Variants in HIBCH observed in about 807,000 individuals in gnomAD.
HIBCH encodes 3-hydroxyisobutyryl-CoA hydrolase.
HIBCH carries 50 observed loss-of-function variants against 58.2 expected under a neutral mutation model. The observed-to-expected ratio is 0.86, with a 90% CI of 0.68 to 1.09. The LOEUF is 1.09. Ranked by LOEUF, HIBCH falls within the 50% of genes least tolerant of loss-of-function variation. The pLI, the probability that HIBCH is intolerant of heterozygous loss-of-function variation, is 0.00. For synonymous variants in HIBCH, 151 were observed against 146.9 expected (o/e 1.03, Z -0.20); for missense variants, 450 against 449.7 (o/e 1.00, Z -0.01).
At chr2:190,193,987 TGTTTA>T (rs1291694002) in intron 1 of HIBCH, among the ~76,000 whole-genome samples, 1 of 152,220 alleles carries the variant, frequency 6.6e-6, no homozygotes, top group Non-Finnish European at 1.5e-5. Flanking sequence ...TTTTGGCTTT[TGTTTA>T]GTTGAAACTA....
rs939037134 is a variant in HIBCH, at chr2:190,310,948, G to A, written c.36-152C>T. The stretch of plus-strand genomic sequence containing the variant: ...GTTTAGCTCTCATTCACTGCTGGTA[G>A]GAACATTAAATGGTACAGCCACTTT... On this transcript the variant is annotated intron_variant, in intron 1 of 13. Coordinates refer to ENST00000359678, the MANE Select transcript of HIBCH (RefSeq NM_014362.4). The A allele has an allele frequency of 5.9e-5, 42 of 711,768 alleles. No homozygotes were observed. The Admixed American group carries it at 8.4e-4, about 14-fold the overall frequency. 44.1% of individuals were successfully genotyped at this position (711,768 alleles called of 1,614,324 possible). A position where few individuals can be genotyped will look rare whatever the true frequency, so the allele number is the denominator to read the frequency against.
At chr2:190,302,498 G>C (rs1233644250) in intron 2 of HIBCH, among the ~76,000 whole-genome samples, 1 of 152,188 alleles carries the variant, frequency 6.6e-6, no homozygotes, top group Non-Finnish European at 1.5e-5. Flanking sequence ...TCCATCATCA[G>C]TGGTCTTTTA....
At chr2:190,317,161 C>CAA in intron 1 of HIBCH, among the ~76,000 whole-genome samples, 1 of 152,144 alleles carries the variant, frequency 6.6e-6, no homozygotes, top group Non-Finnish European at 1.5e-5. Flanking sequence ...GTTGGCCTCT[C>CAA]AAAGTGCTAG....
rs972463933 is a variant in HIBCH at position 190,279,332 on chromosome 2, G to A, written c.438+8254C>T. Among the ~76,000 whole-genome samples, 35 of 152,164 alleles carry A rather than the reference G, an allele frequency of 2.3e-4. No individual in the cohort carries two copies. Among genetic ancestry groups the A allele is most frequent in the African/African-American group, 8.0e-4 (33 of 41,502 alleles). ...TTCGGTGGGGACAAATATTCAAACC[G>A]TAGCATTCCATCCCTGACCTCCCAA... On this transcript the variant is annotated intron_variant, in intron 6 of 13. Transcript: ENST00000359678. The surrounding 1 kb of genome is among the most constrained non-coding windows in gnomAD (Gnocchi z 4.2).
At chr2:190,287,555 A>C in intron 6 of HIBCH, 31 bp downstream of exon 6, 1 of 1,388,374 alleles carries the variant, frequency 7.2e-7, no homozygotes, top group Non-Finnish European at 1.0e-6. Context: ...CAACTCACTC[A>C]TACAATGATC....
chr2:190,284,998 G>C (rs1687795114), intron 6 of HIBCH, among the ~76,000 whole-genome samples: 1 of 151,968 alleles, frequency 6.6e-6, no homozygotes, highest in Non-Finnish European at 1.5e-5. Flanking sequence ...TTCTTTCATA[G>C]TCATTACCTC....
intron 3 of HIBCH, among the ~76,000 whole-genome samples, chr2:190,295,307 T>A (rs561697361): frequency 6.6e-6 from 1 of 152,362 alleles, no homozygotes; most frequent in African/African-American, 2.4e-5. Flanking sequence ...TGTTTCAGAC[T>A]TTTTTAGATT....
intron 4 of HIBCH, among the ~76,000 whole-genome samples, chr2:190,292,230 C>A (rs561295647): frequency 6.6e-6 from 1 of 152,312 alleles, no homozygotes; most frequent in East Asian, 1.9e-4. Context: ...GATCTGCCGG[C>A]TCGGGCCTCC....
At chr2:190,262,163 CAAAAAAAA>C (rs982653583) in intron 6 of HIBCH, among the ~76,000 whole-genome samples, 2 of 91,948 alleles carry the variant, frequency 2.2e-5, no homozygotes, top group African/African-American at 7.8e-5. Flanking sequence ...GCGGTAGAGA[CAAAAAAAA>C]AAAAAAGAAA....
Position 190,279,901 on chromosome 2 carries a change from C to T in HIBCH, c.438+7685G>A, listed in dbSNP as rs541597410. ...AGTTGCTATCCAATTGGGACAAATA[C>T]AGAATGTGAGGTCCCGTTCCAGCCA... On this transcript the variant is annotated intron_variant, in intron 6 of 13. Transcript: ENST00000359678. This position sits in a 1 kb window ranked among gnomAD's most constrained non-coding sequence, Gnocchi z 4.2. The T allele has an allele frequency of 3.1e-3, 527 of 168,446 alleles. No homozygotes were observed. Among genetic ancestry groups the T allele is most frequent in the African/African-American group, 0.012 (490 of 41,872 alleles). 10.4% of individuals were successfully genotyped at this position (168,446 alleles called of 1,614,324 possible).
chr2:190,270,279 T>A (rs55810462), intron 6 of HIBCH, among the ~76,000 whole-genome samples: 32,477 of 148,522 alleles, frequency 0.22, 3,934 homozygotes, highest in East Asian at 0.44. Context: ...TTTTTTTTTT[T>A]TAAAAAAAAA....
chr2:190,234,731 T>C (rs1337920632), intron 11 of HIBCH, among the ~76,000 whole-genome samples: 3 of 151,802 alleles, frequency 2.0e-5, no homozygotes, highest in Admixed American at 6.6e-5. Flanking sequence ...GCACCTGTAA[T>C]CCCAGTTACT....
At chr2:190,228,794 ACTT>A (rs1252562301) in intron 11 of HIBCH, among the ~76,000 whole-genome samples, 3 of 152,096 alleles carry the variant, frequency 2.0e-5, no homozygotes, top group Non-Finnish European at 4.4e-5. Context: ...CAAAGAGACA[ACTT>A]CTTTTCTCCT....
chr2:190,276,615 CCT>C (rs1687560677), intron 6 of HIBCH, among the ~76,000 whole-genome samples: 1 of 152,174 alleles, frequency 6.6e-6, no homozygotes, highest in Admixed American at 6.6e-5. Context: ...TTTCTCACTC[CCT>C]CTCTCGCTAT....
intron 11 of HIBCH, among the ~76,000 whole-genome samples, chr2:190,232,421 G>C (rs1686128851): frequency 6.6e-6 from 1 of 152,128 alleles, no homozygotes; most frequent in Non-Finnish European, 1.5e-5. Context: ...TACACTACCA[G>C]TCCCCAATAA....
chr2:190,252,083 A>C (rs1354777375), intron 8 of HIBCH, 79 bp downstream of exon 8: 8 of 1,360,010 alleles, frequency 5.9e-6, no homozygotes, highest in Non-Finnish European at 8.4e-6. Context: ...TGTGGCTCTC[A>C]ACCACCCATT....
At chr2:190,313,177 A>C (rs1172977885) in intron 1 of HIBCH, among the ~76,000 whole-genome samples, 1 of 152,210 alleles carries the variant, frequency 6.6e-6, no homozygotes, top group Non-Finnish European at 1.5e-5. Context: ...GTTAAGCCCT[A>C]TCCTACGTAA....
intron 11 of HIBCH, among the ~76,000 whole-genome samples, chr2:190,239,647 G>GT (rs60949644): frequency 0.032 from 4,054 of 127,482 alleles, 221 homozygotes; most frequent in East Asian, 0.16. Flanking sequence ...GTGGTTTGTA[G>GT]TTTTTTTTTT....
At position 190,314,966 on chromosome 2, in the gene HIBCH, G is replaced by T. The variant is rs573374797; in HGVS notation, c.36-4170C>A. On this transcript the variant is annotated intron_variant, in intron 1 of 13. Transcript: ENST00000359678. ...CACCTCTCCGCTCCTTTTTTTTTTT[G>T]AGCCTGAGTCTCTCTCTGTCGCCCA... 9.2e-4 allele frequency among the ~76,000 whole-genome samples: 135 copies of T among 146,834 alleles called. 1 individual carries two copies. The highest frequency in any genetic ancestry group is 3.4e-3 in the Middle Eastern group (1 of 292).
Sources: gnomAD v4.1 joint callset for allele counts (sites outside exome capture counted in the v4.1 genomes callset) on GRCh38, gnomAD v4.1.1 for gene constraint, Gnocchi (gnomAD v3.1) non-coding constraint, MANE v1.5 for transcripts, NCBI Gene and HGNC (gene_info 2026-07-23, HGNC 2026-07-21) for gene names.